Variants in CLEC12A observed in about 807,000 individuals in gnomAD.
CLEC12A encodes C-type lectin domain family 12 member A, also known as C-type lectin protein CLL-1.
Under a neutral mutation model 26.5 loss-of-function variants are expected in CLEC12A, and 22 were observed. The ratio of observed to expected loss-of-function variants is 0.83; its 90% CI spans 0.59 to 1.19. The LOEUF (loss-of-function observed/expected upper bound fraction) is 1.19, where lower values mean the gene tolerates loss of function less well. CLEC12A is among the 50% of genes most tolerant of loss of function. The pLI is 0.00. For synonymous variants in CLEC12A, 119 were observed against 101.9 expected (o/e 1.17, Z -1.01); for missense variants, 353 against 315.6 (o/e 1.12, Z -0.90).
chr12:9,970,625 T>C (rs1351194767), upstream of CLEC12A, among the ~76,000 whole-genome samples: 3 of 152,176 alleles, frequency 2.0e-5, no homozygotes, highest in East Asian at 5.8e-4. Context: ...GACACAAATC[T>C]GGACTTTGGA....
chr12:9,981,458 G>A (rs538926861), intron 4 of CLEC12A, among the ~76,000 whole-genome samples: 1 of 152,190 alleles, frequency 6.6e-6, no homozygotes, highest in South Asian at 2.1e-4. Context: ...CTTTATAGAA[G>A]AGAGATAAAT....
the CLEC12A span, among the ~76,000 whole-genome samples, chr12:10,002,188 A>T: frequency 6.6e-6 from 1 of 152,120 alleles, no homozygotes; most frequent in Non-Finnish European, 1.5e-5. Context: ...GCCTAAAAAA[A>T]TTCTTTATTC....
chr12:9,974,766 C>A (rs999681080), intron 1 of CLEC12A, among the ~76,000 whole-genome samples: 1 of 152,048 alleles, frequency 6.6e-6, no homozygotes, highest in Non-Finnish European at 1.5e-5. Context: ...AAATAATTTT[C>A]CCGAGGTTTC....
At chr12:10,005,466 C>T in the CLEC12A span, among the ~76,000 whole-genome samples, 1 of 152,196 alleles carries the variant, frequency 6.6e-6, no homozygotes, top group South Asian at 2.1e-4. Context: ...TCCAAACTTG[C>T]TTCTACGATG....
chr12:10,004,021 C>T, the CLEC12A span, among the ~76,000 whole-genome samples: 1 of 152,200 alleles, frequency 6.6e-6, no homozygotes, highest in East Asian at 1.9e-4. Context: ...AGAGGTCTGG[C>T]CCTCTTAGCA....
intron 1 of CLEC12A, among the ~76,000 whole-genome samples, chr12:9,962,253 C>CTTTTTTTT (rs71049021): frequency 8.4e-6 from 1 of 119,252 alleles, no homozygotes; most frequent in Non-Finnish European, 1.8e-5. Flanking sequence ...CCGGTTTTTT[C>CTTTTTTTT]TTTTTTTTTT....
At chr12:9,978,930 A>G (rs779193961) in intron 1 of CLEC12A, 36 bp from the exon 2 acceptor site, 1 of 1,430,842 alleles carries the variant, frequency 7.0e-7, no homozygotes, top group Non-Finnish European at 9.9e-7. Context: ...AAGTTATACC[A>G]TTTTTAGGCC....
downstream of CLEC12A, chr12:9,996,926 T>A: frequency 1.2e-6 from 2 of 1,614,138 alleles, no homozygotes; most frequent in Non-Finnish European, 1.7e-6. Context: ...CATGTTAAGT[T>A]GTGCCTGAAG....
downstream of CLEC12A, among the ~76,000 whole-genome samples, chr12:9,989,301 C>T (rs1429838944): frequency 6.6e-6 from 1 of 151,754 alleles, no homozygotes; most frequent in East Asian, 1.9e-4. Context: ...CAACATGGCA[C>T]ATGTATAAAT....
chr12:10,000,989 A>T, the CLEC12A span, among the ~76,000 whole-genome samples: 1 of 152,260 alleles, frequency 6.6e-6, no homozygotes, highest in Non-Finnish European at 1.5e-5. Context: ...TATAGTACAA[A>T]TGACACTTTT....
chr12:9,970,835 G>A (rs1163722335), upstream of CLEC12A, among the ~76,000 whole-genome samples: 1 of 152,126 alleles, frequency 6.6e-6, no homozygotes, highest in African/African-American at 2.4e-5. Flanking sequence ...TTAATATATA[G>A]GTTGGCGCTA....
chr12:9,968,953 G>A (rs1395432183), upstream of CLEC12A, among the ~76,000 whole-genome samples: 2 of 152,136 alleles, frequency 1.3e-5, no homozygotes, highest in East Asian at 1.9e-4. Context: ...TGCAGAAACA[G>A]GAGTGGAACT....
At chr12:9,995,345 G>T (rs1295044603) in exon 5 of CLEC12A, 1 of 941,968 alleles carries the variant, frequency 1.1e-6, no homozygotes, top group Non-Finnish European at 1.7e-6. Flanking sequence ...AAAAATGTTG[G>T]ATTACATGTC....
intron 2 of CLEC12A, 39 bp from the exon 3 acceptor site, chr12:9,979,297 T>G: frequency 2.1e-6 from 3 of 1,443,030 alleles, no homozygotes; most frequent in South Asian, 1.2e-5. Flanking sequence ...ATGGCTCTAT[T>G]GAGAATTTAC....
the CLEC12A span, among the ~76,000 whole-genome samples, chr12:10,001,483 T>C: frequency 6.6e-6 from 1 of 152,258 alleles, no homozygotes; most frequent in Non-Finnish European, 1.5e-5. Context: ...ATATCTTATC[T>C]GTGTTCCACA....
intron 1 of CLEC12A, among the ~76,000 whole-genome samples, chr12:9,965,331 G>A (rs1426373236): frequency 6.6e-6 from 1 of 152,178 alleles, no homozygotes; most frequent in Admixed American, 6.5e-5. Flanking sequence ...AGCCGGACAT[G>A]ATCAGCAGGG....
the CLEC12A span, among the ~76,000 whole-genome samples, chr12:10,001,983 C>A: frequency 7.3e-5 from 11 of 151,676 alleles, no homozygotes; most frequent in Non-Finnish European, 1.6e-4. Flanking sequence ...GGGTTCACGC[C>A]GTTCTCCTGC....
At chr12:9,966,611 T>A (rs918662994), upstream of CLEC12A, among the ~76,000 whole-genome samples, 5 of 152,048 alleles carry the variant, frequency 3.3e-5, no homozygotes, top group Non-Finnish European at 7.4e-5. Flanking sequence ...GTGCTGGAGA[T>A]GTGGCTGGGG....
At chr12:9,978,640 A>G (rs1356199320) in intron 1 of CLEC12A, among the ~76,000 whole-genome samples, 1 of 152,184 alleles carries the variant, frequency 6.6e-6, no homozygotes, top group East Asian at 1.9e-4. Context: ...TACAAACAAA[A>G]TACACTATAT....
Sources: allele counts gnomAD v4.1 joint callset (sites outside exome capture counted in the v4.1 genomes callset), GRCh38; gene constraint gnomAD v4.1.1; transcripts MANE v1.5; gene names NCBI Gene and HGNC (gene_info 2026-07-23, HGNC 2026-07-21).